The following DNAJC3 variants were observed in gnomAD, a reference collection of about 807,000 sequenced individuals.
The protein encoded by DNAJC3 is DnaJ heat shock protein family (Hsp40) member C3.
In DNAJC3, 38 loss-of-function variants were observed where a neutral mutation model predicts 68.6. The ratio of observed to expected loss-of-function variants is 0.55; its 90% confidence interval spans 0.43 to 0.73. The LOEUF (loss-of-function observed/expected upper bound fraction) is 0.73. DNAJC3 is among the 30% of genes least tolerant of loss of function. The pLI is 0.00. For synonymous variants in DNAJC3, 203 were observed against 204.0 expected, an observed-to-expected ratio of 1.00 and a Z score of 0.04; for missense variants, 526 against 591.9, an observed-to-expected ratio of 0.89 and a Z score of 1.16.
chr13:95,760,739 A>G lies in DNAJC3; in HGVS notation c.789A>G (p.Lys263=), dbSNP rs1434139084. ...QDHKRCFAHY[K]QVKKLNKLIE... is the part of the protein sequence containing the mutation. ...ATAAAAGGTGTTTTGCACACTATAA[A>G]CAAGTAAAGAAACTTAATAAGCTGA... Residue 263 remains lysine, a synonymous_variant, in exon 7 of 12, where the codon AAA becomes AAG. Coordinates refer to ENST00000602402, the MANE Select transcript of DNAJC3 (RefSeq NM_006260.5). 6.2e-7 allele frequency: 1 copy of G among 1,613,002 alleles called. No individual in the cohort carries two copies. Among genetic ancestry groups the G allele is most frequent in the African/African-American group, 1.3e-5 (1 of 74,898 alleles).
chr13:95,782,139 T>C (rs1219426499), intron 9 of DNAJC3, among the ~76,000 whole-genome samples: 1 of 152,196 alleles, frequency 6.6e-6, no homozygotes, highest in Non-Finnish European at 1.5e-5. Context: ...TGAACTCACC[T>C]TTTTTATGGC....
intron 5 of DNAJC3, among the ~76,000 whole-genome samples, chr13:95,759,486 A>C (rs1279790910): frequency 6.6e-6 from 1 of 152,104 alleles, no homozygotes; most frequent in Admixed American, 6.6e-5. Flanking sequence ...TAATAATTTT[A>C]AACTTTTTAT....
chr13:95,743,446 C>T (rs541014183), intron 4 of DNAJC3, among the ~76,000 whole-genome samples: 1 of 152,150 alleles, frequency 6.6e-6, no homozygotes, highest in South Asian at 2.1e-4. Context: ...TATGATTGGC[C>T]GAGACACCAC....
At chr13:95,764,695 CATATATAT>C (rs1318299201) in intron 9 of DNAJC3, among the ~76,000 whole-genome samples, 1 of 114,800 alleles carries the variant, frequency 8.7e-6, no homozygotes, top group African/African-American at 3.5e-5. Flanking sequence ...CACACACACA[CATATATAT>C]ATACATATAT....
At chr13:95,691,274 C>T (rs1298758626) in intron 1 of DNAJC3, among the ~76,000 whole-genome samples, 8 of 150,834 alleles carry the variant, frequency 5.3e-5, no homozygotes, top group Admixed American at 1.3e-4. Flanking sequence ...GGCTGCTGGG[C>T]GGAGGGGCTC....
intron 9 of DNAJC3, among the ~76,000 whole-genome samples, chr13:95,784,110 C>T (rs1883527914): frequency 6.6e-6 from 1 of 152,210 alleles, no homozygotes. Context: ...ACATTCCCTC[C>T]ATGTTTAGCT....
chr13:95,728,538 G>T (rs1881601717), intron 4 of DNAJC3, among the ~76,000 whole-genome samples: 1 of 151,952 alleles, frequency 6.6e-6, no homozygotes, highest in South Asian at 2.1e-4. Flanking sequence ...TTTTATTGTT[G>T]TGTTTTAAAT....
chr13:95,764,999 T>C (rs1054401770), intron 9 of DNAJC3, among the ~76,000 whole-genome samples: 5 of 152,012 alleles, frequency 3.3e-5, no homozygotes, highest in Non-Finnish European at 5.9e-5. Context: ...GGTCAATCTC[T>C]TTTTCCCTGC....
intron 4 of DNAJC3, among the ~76,000 whole-genome samples, chr13:95,735,089 C>G (rs867941850): frequency 0.021 from 3,135 of 150,400 alleles, 95 homozygotes; most frequent in African/African-American, 0.068. Context: ...TTTGTTCTTG[C>G]GATAGTTTAC....
intron 9 of DNAJC3, among the ~76,000 whole-genome samples, chr13:95,773,398 T>G (rs1002289578): frequency 5.9e-5 from 9 of 151,974 alleles, no homozygotes; most frequent in African/African-American, 9.7e-5. Flanking sequence ...CTCAAACTCC[T>G]GGGATCAAGT....
chr13:95,687,620 A>C (rs989309945), intron 1 of DNAJC3, among the ~76,000 whole-genome samples: 2 of 152,166 alleles, frequency 1.3e-5, no homozygotes, highest in East Asian at 3.8e-4. Context: ...TTAAAAAGAC[A>C]ACACTACCTA....
chr13:95,775,012 T>C (rs1200464404), intron 9 of DNAJC3, among the ~76,000 whole-genome samples: 1 of 152,238 alleles, frequency 6.6e-6, no homozygotes, highest in African/African-American at 2.4e-5. Context: ...ATTTTACTAT[T>C]GTTTTCTTTT....
intron 9 of DNAJC3, among the ~76,000 whole-genome samples, chr13:95,767,691 G>GTTTTGTTTTGT (rs1555328430): frequency 7.4e-6 from 1 of 135,794 alleles, no homozygotes; most frequent in African/African-American, 2.7e-5. Flanking sequence ...AGTTTTTTGG[G>GTTTTGTTTTGT]TTTTTTTTTT....
intron 9 of DNAJC3, among the ~76,000 whole-genome samples, chr13:95,785,138 A>G (rs142417446): frequency 3.3e-5 from 5 of 151,644 alleles, no homozygotes; most frequent in African/African-American, 4.9e-5. Flanking sequence ...TCTTTCTACA[A>G]ATTTTTTTTT....
intron 9 of DNAJC3, among the ~76,000 whole-genome samples, chr13:95,779,338 A>T (rs182481886): frequency 1.6e-4 from 24 of 151,924 alleles, no homozygotes; most frequent in Admixed American, 2.6e-4. Context: ...GTTAGCCAGG[A>T]TGGTCTCGAT....
chr13:95,717,025 T>C (rs1881174594), intron 2 of DNAJC3, among the ~76,000 whole-genome samples: 1 of 152,000 alleles, frequency 6.6e-6, no homozygotes, highest in Admixed American at 6.6e-5. Flanking sequence ...TAGGTGGTGA[T>C]GGGGTGTTGT....
chr13:95,723,173 T>C, intron 2 of DNAJC3, 69 bp from the exon 3 acceptor site: 1 of 1,425,084 alleles, frequency 7.0e-7, no homozygotes, highest in South Asian at 1.4e-5. Flanking sequence ...ACTGTCCAGG[T>C]GATTTGTTTT....
At position 95,677,204 on chromosome 13, in the gene DNAJC3, C is replaced by T. The variant is rs546750920; in HGVS notation, c.-52C>T. ...CGCAGCTGCTGCCGGAGCGCCGGCG[C>T]GTGCTGGTGGGCCACACACCTTTCC... On this transcript the variant is annotated 5_prime_UTR_variant, in exon 1 of 12. Transcript: ENST00000602402. The T allele has an allele frequency of 1.5e-4, 235 of 1,543,120 alleles. 1 individual carries two copies. The South Asian group carries it at 1.6e-3, about 11-fold the overall frequency.
chr13:95,712,892 G>A (rs1365449596), intron 2 of DNAJC3, among the ~76,000 whole-genome samples: 1 of 152,094 alleles, frequency 6.6e-6, no homozygotes, highest in African/African-American at 2.4e-5. Context: ...TTTTGTCATG[G>A]GAGGGACCCA....
Sources: allele counts gnomAD v4.1 joint callset (sites outside exome capture counted in the v4.1 genomes callset), GRCh38; gene constraint gnomAD v4.1.1; transcripts MANE v1.5; gene names NCBI Gene and HGNC (gene_info 2026-07-23, HGNC 2026-07-21).